Variants in POLR2B observed in about 807,000 individuals in gnomAD.
POLR2B encodes the protein DNA-directed RNA polymerase II subunit RPB2.
POLR2B carries 57 observed loss-of-function variants against 144.6 expected under a neutral mutation model. The observed-to-expected ratio is 0.39, with a 90% confidence interval of 0.32 to 0.49. POLR2B has a LOEUF of 0.49. Ranked by LOEUF, POLR2B falls within the 20% of genes least tolerant of loss-of-function variation. POLR2B has a pLI of 0.83. For synonymous variants in POLR2B, 442 were observed against 469.8 expected, an observed-to-expected ratio of 0.94 and a Z score of 0.77; for missense variants, 595 against 1,467.4, an observed-to-expected ratio of 0.41 and a Z score of 9.71.
intron 2 of POLR2B, among the ~76,000 whole-genome samples, chr4:56,987,261 T>A (rs911795175): frequency 6.6e-6 from 1 of 152,198 alleles, no homozygotes; most frequent in Non-Finnish European, 1.5e-5. Context: ...TTAAAATTGG[T>A]TGTATTTCAT....
chr4:57,009,206 G>T (rs151172958), intron 10 of POLR2B, among the ~76,000 whole-genome samples: 1 of 152,320 alleles, frequency 6.6e-6, no homozygotes, highest in East Asian at 1.9e-4. Flanking sequence ...ACAGAAAAGA[G>T]AATAGTTCTT....
At position 57,030,811 on chromosome 4, in the gene POLR2B, A is replaced by G. The variant is rs56231646; in HGVS notation, c.3436-88A>G. On this transcript the variant is annotated intron_variant, in intron 24 of 24. Transcript: ENST00000314595. ...CTCCACTCATTTATTCATTATCTAC[A>G]GTACCAGATCTTTGTCTTTTTCTGG... 1.1e-3 allele frequency: 837 copies of G among 756,092 alleles called. 8 individuals are homozygous for G. In the East Asian group the frequency reaches 0.016, roughly 14 times the overall value. The allele number at this position is 756,092 out of a possible 1,614,324, so 46.8% of individuals were successfully genotyped here.
chr4:56,995,796 A>G (rs1465687513), intron 6 of POLR2B, among the ~76,000 whole-genome samples: 2 of 152,212 alleles, frequency 1.3e-5, no homozygotes, highest in Non-Finnish European at 2.9e-5. Flanking sequence ...GTTCCTTGCC[A>G]TGTGGGCCTC....
intron 3 of POLR2B, among the ~76,000 whole-genome samples, chr4:56,994,092 A>G (rs1046359160): frequency 2.6e-5 from 4 of 152,230 alleles, no homozygotes; most frequent in African/African-American, 9.6e-5. Context: ...TGTAGTTGAT[A>G]AGTGTGTGAT....
chr4:56,980,214 A>G (rs1409291000), intron 1 of POLR2B, among the ~76,000 whole-genome samples: 5 of 151,756 alleles, frequency 3.3e-5, no homozygotes, highest in Middle Eastern at 3.2e-3. Flanking sequence ...GCATGAGCCA[A>G]TGTGCCCAGC....
chr4:56,989,293 A>G (rs909449154), intron 2 of POLR2B, among the ~76,000 whole-genome samples: 24 of 152,242 alleles, frequency 1.6e-4, no homozygotes, highest in Non-Finnish European at 1.3e-4. Context: ...GGCTATGTAT[A>G]TTACAGGCAA....
intron 1 of POLR2B, chr4:56,985,174 G>A (rs537684358): frequency 5.1e-5 from 15 of 291,494 alleles, no homozygotes; most frequent in African/African-American, 1.8e-4. Context: ...CTTATGGTTC[G>A]GGCTTTCTCA....
chr4:56,992,560 A>ATTT (rs779373741), intron 3 of POLR2B, among the ~76,000 whole-genome samples: 1,770 of 85,568 alleles, frequency 0.021, 90 homozygotes, highest in African/African-American at 0.06. Context: ...TGGCTTATCT[A>ATTT]TTTTTTTTTT....
intron 23 of POLR2B, 129 bp from the exon 24 acceptor site, chr4:57,030,075 A>G (rs1004119980): frequency 2.7e-6 from 2 of 741,546 alleles, no homozygotes; most frequent in African/African-American, 3.6e-5. Context: ...AATAGAGAGA[A>G]TGCTAGGGTA....
chr4:57,024,856 C>T, intron 21 of POLR2B, 30 bp from the exon 22 acceptor site: 1 of 1,180,826 alleles, frequency 8.5e-7, no homozygotes, highest in Non-Finnish European at 1.2e-6. Context: ...ACTGAAGCAA[C>T]ATTTTAAAGA....
intron 23 of POLR2B, among the ~76,000 whole-genome samples, chr4:57,028,910 A>T (rs1047878872): frequency 3.9e-5 from 6 of 152,188 alleles, no homozygotes; most frequent in Non-Finnish European, 8.8e-5. Context: ...ATGCTTTGCA[A>T]TTGATTGATA....
intron 10 of POLR2B, 68 bp from the exon 11 acceptor site, chr4:57,010,293 T>A: frequency 7.5e-7 from 1 of 1,339,656 alleles, no homozygotes; most frequent in Admixed American, 2.0e-5. Flanking sequence ...AAAATATGAC[T>A]TTGCCTCAGT....
chr4:57,001,468 C>T (rs914481005), intron 7 of POLR2B, among the ~76,000 whole-genome samples: 6 of 152,180 alleles, frequency 3.9e-5, no homozygotes, highest in Non-Finnish European at 8.8e-5. Context: ...GCCTCCTCGG[C>T]CTTTCTTTGT....
intron 7 of POLR2B, among the ~76,000 whole-genome samples, chr4:57,004,713 C>T (rs1441707165): frequency 6.6e-6 from 1 of 152,174 alleles, no homozygotes; most frequent in Non-Finnish European, 1.5e-5. Flanking sequence ...GAGACGGTGT[C>T]TCACTCTGTC....
At position 57,013,950 on chromosome 4, in the gene POLR2B, A is replaced by T. The variant is rs201543345; in HGVS notation, c.1801-1552A>T. Among the ~76,000 whole-genome samples the T allele has an allele frequency of 2.7e-4, 26 of 96,602 alleles. 1 individual carries two copies. In the East Asian group the frequency reaches 0.015, roughly 55 times the overall value. The allele number at this position is 96,602 out of a possible 152,430, so 63.4% of individuals were successfully genotyped here. On this transcript the variant is annotated intron_variant, in intron 13 of 24. Transcript: ENST00000314595. The stretch of plus-strand genomic sequence containing the variant: ...AACATATCAAGACCATGTTTATATT[A>T]AAAAAAAAAAAAAAAGAGAAAAAGA...
intron 1 of POLR2B, among the ~76,000 whole-genome samples, chr4:56,983,728 G>A (rs763348071): frequency 1.2e-4 from 18 of 152,028 alleles, no homozygotes; most frequent in African/African-American, 4.1e-4. Context: ...GGCTGGTCTC[G>A]AACTCCTGGG....
At chr4:57,015,257 T>G (rs1723329567) in intron 13 of POLR2B, among the ~76,000 whole-genome samples, 1 of 152,244 alleles carries the variant, frequency 6.6e-6, no homozygotes, top group African/African-American at 2.4e-5. Flanking sequence ...TTAACTTGCA[T>G]GACATTATTA....
In POLR2B at chr4:57,024,040, T is replaced by C. The variant is rs1560484810; in HGVS notation, c.2892T>C (p.Asp964=). 1.2e-6 allele frequency: 2 copies of C among 1,610,894 alleles called. No homozygotes were observed. The highest frequency in any genetic ancestry group is 2.2e-5 in the East Asian group (1 of 44,786). Residue 964 remains aspartate, a synonymous_variant, in exon 21 of 25, where the codon GAT becomes GAC. Transcript: ENST00000314595. ...MPFTCEGITP[D]IIINPHAIPS... is the part of the protein sequence containing the mutation. ...TCACCTGTGAAGGTATCACCCCTGA[T>C]ATCATCATCAATCCCCATGCCATCC...
At chr4:57,002,101 C>T (rs1722873194) in intron 7 of POLR2B, among the ~76,000 whole-genome samples, 2 of 152,116 alleles carry the variant, frequency 1.3e-5, no homozygotes, top group Admixed American at 6.6e-5. Context: ...AATTACAGCT[C>T]ACTGCAACCT....
Sources: allele counts gnomAD v4.1 joint callset (sites outside exome capture counted in the v4.1 genomes callset), GRCh38; gene constraint gnomAD v4.1.1; transcripts MANE v1.5; gene names NCBI Gene and HGNC (gene_info 2026-07-23, HGNC 2026-07-21).